The following LRP1B variants were observed in gnomAD, a reference collection of about 807,000 sequenced individuals.
The protein encoded by LRP1B is low-density lipoprotein receptor-related protein 1B.
LRP1B carries 217 observed loss-of-function variants against 556.6 expected under a neutral mutation model. The ratio of observed to expected loss-of-function variants is 0.39; its 90% confidence interval spans 0.35 to 0.44. The LOEUF is 0.44. Ranked by LOEUF, LRP1B falls within the 20% of genes least tolerant of loss-of-function variation. LRP1B has a pLI of 1.00. For missense variants in LRP1B, 5,053 were observed against 5,620.8 expected (o/e 0.90, Z 3.23); for synonymous variants, 2,047 against 1,865.8 (o/e 1.10, Z -2.50).
chr2:141,890,202 T>C (rs1433408424), intron 1 of LRP1B, among the ~76,000 whole-genome samples: 1 of 151,586 alleles, frequency 6.6e-6, no homozygotes, highest in Non-Finnish European at 1.5e-5. Context: ...TTCAATTGCT[T>C]TTTCCTGAAA....
chr2:141,363,281 G>C (rs549117461), intron 3 of LRP1B, among the ~76,000 whole-genome samples: 1 of 152,292 alleles, frequency 6.6e-6, no homozygotes, highest in Non-Finnish European at 1.5e-5. Flanking sequence ...TTGAATGGAA[G>C]TGTTTGGCAA....
In LRP1B at chr2:140,334,495, G is replaced by A; in HGVS notation, c.12181C>T (p.Leu4061=). Residue 4061 remains leucine, a synonymous_variant, in exon 79 of 91, where the codon CTG becomes TTG. Transcript: ENST00000389484. Reference sequence around the variant, plus strand: ...TTCTTTTGTACTAAAATCCTTCTCAGTGTACCATCCATGGCTGCTTCTTCT... The same window carrying A: ...TTCTTTTGTACTAAAATCCTTCTCAATGTACCATCCATGGCTGCTTCTTCT... The part of the protein sequence containing the change: ...HIEEAAMDGT[L]RRILVQKNLQ... 2 of 1,610,596 alleles carry A rather than the reference G, an allele frequency of 1.2e-6. No individual in the cohort carries two copies. The highest frequency in any genetic ancestry group is 1.7e-6 in the Non-Finnish European group (2 of 1,178,052).
At chr2:140,532,126 G>A (rs1240548665) in intron 47 of LRP1B, among the ~76,000 whole-genome samples, 1 of 151,900 alleles carries the variant, frequency 6.6e-6, no homozygotes. Flanking sequence ...TTCCTCAAGT[G>A]CTCCAATCTC....
intron 23 of LRP1B, among the ~76,000 whole-genome samples, chr2:140,901,582 C>T (rs1355591098): frequency 2.0e-5 from 3 of 152,102 alleles, no homozygotes; most frequent in East Asian, 1.9e-4. Flanking sequence ...TCCAATTATA[C>T]TCTTAGTTAT....
In LRP1B at chr2:141,046,927, C is replaced by T. The variant is rs140014351; in HGVS notation, c.1789+2059G>A. On this transcript the variant is annotated intron_variant, in intron 11 of 90. Transcript: ENST00000389484. ...TGAAACCCCGTCTCTAGTAAAAATA[C>T]AAAAATTAGTCAGGCATGATGGTGC... Among the ~76,000 whole-genome samples the T allele has an allele frequency of 6.8e-3, 1,027 of 151,440 alleles. 10 individuals are homozygous for T. The highest frequency in any genetic ancestry group is 0.024 in the African/African-American group (974 of 41,318).
At chr2:141,405,281 T>G (rs1183298269) in intron 3 of LRP1B, among the ~76,000 whole-genome samples, 6 of 152,166 alleles carry the variant, frequency 3.9e-5, no homozygotes, top group Non-Finnish European at 8.8e-5. Context: ...ATTTTAGAAG[T>G]TAGAATCTTA....
At chr2:142,000,820 A>T (rs919570746) in intron 1 of LRP1B, among the ~76,000 whole-genome samples, 2 of 152,154 alleles carry the variant, frequency 1.3e-5, no homozygotes, top group Non-Finnish European at 2.9e-5. Flanking sequence ...AGCCCAGATC[A>T]CCCAAATATT....
intron 43 of LRP1B, among the ~76,000 whole-genome samples, chr2:140,562,029 C>G (rs1337626801): frequency 1.3e-5 from 2 of 151,936 alleles, no homozygotes; most frequent in Admixed American, 6.6e-5. Context: ...CAAAATTTAA[C>G]CCTGATTCAT....
intron 1 of LRP1B, among the ~76,000 whole-genome samples, chr2:141,913,686 A>T (rs1268113879): frequency 6.6e-6 from 1 of 152,124 alleles, no homozygotes; most frequent in Non-Finnish European, 1.5e-5. Context: ...GTCCATTGAG[A>T]ATGAACTACT....
chr2:141,214,958 C>G (rs1682730118), intron 6 of LRP1B, among the ~76,000 whole-genome samples: 1 of 152,212 alleles, frequency 6.6e-6, no homozygotes, highest in Non-Finnish European at 1.5e-5. Context: ...ATTCTAAAAA[C>G]AGATAGGCAC....
intron 16 of LRP1B, chr2:140,992,589 A>C (rs1697124712): frequency 6.6e-6 from 1 of 152,166 alleles, no homozygotes; most frequent in African/African-American, 2.4e-5. Context: ...CTTCACACTT[A>C]GTTACAAATC....
intron 41 of LRP1B, among the ~76,000 whole-genome samples, chr2:140,633,483 A>T (rs1683968386): frequency 6.6e-6 from 1 of 152,204 alleles, no homozygotes; most frequent in Admixed American, 6.5e-5. Flanking sequence ...TTGAAGCAGA[A>T]GTCATTGAAA....
rs147345267 is a variant in LRP1B at position 141,787,259 on chromosome 2, A to C, written c.205+23020T>G. ...CTAGAAGTTCAATCAAGAGAAAAGC[A>C]AACTTATGTTAACACAAAATCTGTT... On this transcript the variant is annotated intron_variant, in intron 2 of 90. Transcript: ENST00000389484. Among the ~76,000 whole-genome samples, 20 of 152,142 alleles carry C rather than the reference A, an allele frequency of 1.3e-4. No homozygotes were observed. The East Asian group carries it at 3.9e-3, about 29-fold the overall frequency.
chr2:140,613,370 A>AAT (rs796568812), intron 41 of LRP1B, among the ~76,000 whole-genome samples: 1,155 of 84,730 alleles, frequency 0.014, 202 homozygotes, highest in Non-Finnish European at 0.022. Flanking sequence ...TATAAATATA[A>AAT]ATATATATAA....
At position 140,867,805 on chromosome 2, in the gene LRP1B, T is replaced by C. The variant is rs1173316073; in HGVS notation, c.4364A>G (p.Asp1455Gly). The C allele has an allele frequency of 2.5e-6, 4 of 1,587,356 alleles. No homozygotes were observed. The highest frequency in any genetic ancestry group is 3.4e-6 in the Non-Finnish European group (4 of 1,166,596). Residue 1455 changes from aspartate (D) to glycine (G), a missense_variant, in exon 27 of 91, where the codon GAT (aspartate) becomes GGT (glycine). By Grantham distance (94) the Asp-to-Gly change is moderately conservative (BLOSUM62 -1). Around this residue, in one of 5 missense-constraint regions of LRP1B, gnomAD observed 3,619 missense variants for 3,931.9 expected, o/e 0.92. Coordinates refer to ENST00000389484, the MANE Select transcript of LRP1B (RefSeq NM_018557.3). ...GATGATTTCTATCATGTTTGTTCCA[T>C]CATAGAGGGCTGAATAAATAGCATC... Reference protein sequence around the residue: ...RSDAIYSALYDGTNMIEIIRG... With the variant: ...RSDAIYSALYGGTNMIEIIRG...
At chr2:140,689,826 T>C (rs1021339289) in intron 41 of LRP1B, among the ~76,000 whole-genome samples, 1 of 152,186 alleles carries the variant, frequency 6.6e-6, no homozygotes, top group African/African-American at 2.4e-5. Context: ...GCTATAACTC[T>C]CTTTCACACG....
At chr2:141,786,971 A>G (rs984145281) in intron 2 of LRP1B, among the ~76,000 whole-genome samples, 3 of 151,970 alleles carry the variant, frequency 2.0e-5, no homozygotes, top group African/African-American at 4.8e-5. Context: ...GAAACAATCC[A>G]ATATTTCCAG....
intron 10 of LRP1B, among the ~76,000 whole-genome samples, chr2:141,053,146 G>C (rs1425687886): frequency 6.6e-6 from 1 of 151,928 alleles, no homozygotes; most frequent in Non-Finnish European, 1.5e-5. Context: ...TTGTACTACA[G>C]ACAATTGAAT....
intron 84 of LRP1B, among the ~76,000 whole-genome samples, chr2:140,278,627 CTG>C (rs905057900): frequency 9.9e-5 from 15 of 152,002 alleles, no homozygotes; most frequent in African/African-American, 3.4e-4. Flanking sequence ...GAATCCAAGA[CTG>C]TAAAAGAAAG....
Sources: gnomAD v4.1 joint callset for allele counts (sites outside exome capture counted in the v4.1 genomes callset) on GRCh38, gnomAD v4.1.1 for gene constraint, gnomAD v4.1.1 regional missense constraint, MANE v1.5 for transcripts, NCBI Gene and HGNC (gene_info 2026-07-23, HGNC 2026-07-21) for gene names.